The following CILP2 variants were observed in gnomAD, a reference collection of about 807,000 sequenced individuals.
CILP2 encodes the protein CILP-2.
A neutral mutation model predicts 45.6 loss-of-function variants in CILP2; 38 were observed. The ratio of observed to expected loss-of-function variants is 0.83; its 90% CI spans 0.64 to 1.09. CILP2 has a LOEUF of 1.09. CILP2 is among the 50% of genes least tolerant of loss of function. The pLI is 0.00. For missense variants in CILP2, 1,735 were observed against 1,662.2 expected, an observed-to-expected ratio of 1.04 and a Z score of -0.76; for synonymous variants, 780 against 723.5, an observed-to-expected ratio of 1.08 and a Z score of -1.25.
rs1345998547 is a variant in CILP2, at chr19:19,540,427, G to C, written c.387G>C (p.Pro129=). Residue 129 remains proline (P), a synonymous_variant, in exon 3 of 8, where the codon CCG becomes CCC. Transcript: ENST00000291495. ...TCTGGTGCCTCAACCGCGAGCAACC[G>C]CGTGGCCGCCGCTGCTCCAACTACC... ...RGFWCLNREQ[P]RGRRCSNYHV... is the part of the protein sequence containing the mutation. The C allele has an allele frequency of 2.7e-6, 4 of 1,484,560 alleles. No individual in the cohort carries two copies. The highest frequency in any genetic ancestry group is 2.9e-5 in the African/African-American group (2 of 68,750). 92.0% of individuals were successfully genotyped at this position (1,484,560 alleles called of 1,614,324 possible). A position where few individuals can be genotyped will look rare whatever the true frequency, so the allele number is the denominator to read the frequency against.
Position 19,545,085 on chromosome 19 carries a change from C to G in CILP2, c.2540C>G (p.Thr847Arg). ...PYLDRLGYRR[T>R]DHDDPAFKRN... Reference sequence around the variant, plus strand: ...CTGGACAGGCTGGGGTACCGTCGGACGGACCACGACGATCCCGCCTTCAAG... The same window carrying G: ...CTGGACAGGCTGGGGTACCGTCGGAGGGACCACGACGATCCCGCCTTCAAG... Residue 847 changes from threonine (T) to arginine (R), a missense_variant, in exon 8 of 8, where the codon ACG becomes AGG. Transcript: ENST00000291495. 1 of 1,610,334 alleles carries G rather than the reference C, an allele frequency of 6.2e-7. No individual in the cohort carries two copies. The highest frequency in any genetic ancestry group is 8.5e-7 in the Non-Finnish European group (1 of 1,178,976).
chr19:19,544,648 GT>G lies in CILP2; in HGVS notation c.2104del (p.Ser702ProfsTer38). 6.4e-7 allele frequency: 1 copy of G among 1,553,734 alleles called. No homozygotes were observed. The highest frequency in any genetic ancestry group is 1.2e-5 in the South Asian group (1 of 83,620). ...EEESGFRREG[S>X]SGPRVRREER... The stretch of plus-strand genomic sequence containing the variant: ...AGGAGAGCGGCTTCCGGCGCGAGGG[GT>G]CCTCGGGCCCCCGGGTGCGCCGGGA... On this transcript the variant is annotated frameshift_variant, in exon 8 of 8. Coordinates refer to ENST00000291495, the MANE Select transcript of CILP2 (RefSeq NM_153221.2). LOFTEE classifies it low-confidence loss of function (END_TRUNC).
intron 1 of CILP2, among the ~76,000 whole-genome samples, 164 bp downstream of exon 1, chr19:19,538,577 G>C (rs2061231332): frequency 6.6e-6 from 1 of 152,264 alleles, no homozygotes; most frequent in Admixed American, 6.5e-5. Context: ...CTGGGGCGCG[G>C]AGCGGGCCTC....
chr19:19,543,318 C>A lies in CILP2; in HGVS notation c.1048C>A (p.Arg350Ser). 6.2e-7 allele frequency: 1 copy of A among 1,613,688 alleles called. No individual in the cohort carries two copies. The highest frequency in any genetic ancestry group is 1.7e-4 in the Middle Eastern group (1 of 6,056). Residue 350 changes from arginine (R) to serine (S), a missense_variant, in exon 7 of 8, where the codon CGC becomes AGC. Transcript: ENST00000291495. ...GGCCCACCTGGAGCTGCGGGGACTG[C>A]GCCCAGACCAGGCTGGCATCTACCA... is the stretch of plus-strand genomic sequence containing the variant. Reference protein sequence around the residue: ...YGAHLELRGLRPDQAGIYHCK... With the variant: ...YGAHLELRGLSPDQAGIYHCK...
rs772563704 is a variant in CILP2, at chr19:19,544,385, GACCTC to G, written c.1846_1850del (p.Thr616GlyfsTer7). The G allele has an allele frequency of 6.8e-6, 11 of 1,610,114 alleles. No homozygotes were observed. The highest frequency in any genetic ancestry group is 8.5e-6 in the Non-Finnish European group (10 of 1,179,438). On this transcript the variant is annotated frameshift_variant, in exon 8 of 8. Transcript: ENST00000291495. LOFTEE classifies it low-confidence loss of function (END_TRUNC). ...CCGGGTGACGTTCGTGGACCCCCGA[GACCTC>G]ACCTCGGCGGCGTCTGCCCCCAGTG...
intron 1 of CILP2, among the ~76,000 whole-genome samples, chr19:19,538,682 C>A (rs1472900247): frequency 6.6e-6 from 1 of 152,224 alleles, no homozygotes; most frequent in Non-Finnish European, 1.5e-5. Context: ...GGTCTCCCAC[C>A]CTGGACCGAA....
At position 19,544,477 on chromosome 19, in the gene CILP2, C is replaced by A; in HGVS notation, c.1932C>A (p.Ser644=). The change falls in exon 8 of 8, where the codon TCC becomes TCA. Residue 644 remains serine (S), a synonymous_variant. Coordinates refer to ENST00000291495, the MANE Select transcript of CILP2 (RefSeq NM_153221.2). Reference sequence around the variant, plus strand: ...CACTGCGCACCTACGGCATGTTCTCCGTGGACCTCCGTGCGCCCGGCTCCG... The same window carrying A: ...CACTGCGCACCTACGGCATGTTCTCAGTGGACCTCCGTGCGCCCGGCTCCG... ...LAPLRTYGMF[S]VDLRAPGSAE... 6.2e-7 allele frequency: 1 copy of A among 1,607,010 alleles called. No individual in the cohort carries two copies. Among genetic ancestry groups the A allele is most frequent in the South Asian group, 1.1e-5 (1 of 91,006 alleles).
At position 19,545,284 on chromosome 19, in the gene CILP2, C is replaced by A; in HGVS notation, c.2739C>A (p.Pro913=). The A allele has an allele frequency of 1.2e-6, 2 of 1,613,012 alleles. No individual in the cohort carries two copies. The highest frequency in any genetic ancestry group is 1.7e-6 in the Non-Finnish European group (2 of 1,179,948). The change falls in exon 8 of 8, where the codon CCC becomes CCA. Residue 913 remains proline (P), a synonymous_variant. Transcript: ENST00000291495. The stretch of plus-strand genomic sequence containing the variant: ...ACAAGTACGAGTACAACGTGGTCCC[C>A]TTCCGAGAGGGCACACCTGCCTCCT... The part of the protein sequence containing the change: ...EADKYEYNVV[P]FREGTPASWT...
rs759702374 is a variant in CILP2 at position 19,544,217 on chromosome 19, G to A, written c.1672G>A (p.Ala558Thr). The A allele has an allele frequency of 2.5e-6, 4 of 1,613,808 alleles. No homozygotes were observed. The highest frequency in any genetic ancestry group is 1.3e-5 in the African/African-American group (1 of 74,932). Residue 558 changes from alanine (A) to threonine (T), a missense_variant, in exon 8 of 8, where the codon GCC (alanine) becomes ACC (threonine). Physicochemically the swap from Ala to Thr is moderately conservative, Grantham distance 58 (BLOSUM62 0). Coordinates refer to ENST00000291495, the MANE Select transcript of CILP2 (RefSeq NM_153221.2). Reference protein sequence around the residue: ...YHEVKAMRKKAPVILHTSQSN... With the variant: ...YHEVKAMRKKTPVILHTSQSN... ...CGAGGTCAAGGCCATGCGGAAGAAA[G>A]CCCCGGTCATTTTACATACCAGCCA...
At position 19,543,363 on chromosome 19, in the gene CILP2, G is replaced by A. The variant is rs2061251312; in HGVS notation, c.1093G>A (p.Ala365Thr). Residue 365 changes from alanine to threonine, a missense_variant, in exon 7 of 8, where the codon GCG (alanine) becomes ACG (threonine). Transcript: ENST00000291495. ...CTACCACTGCAAGGCATGGAATGAG[G>A]CGGGTGCCGTGCGCTCGGGCACTGC... ...GIYHCKAWNE[A>T]GAVRSGTARL... 7 of 1,613,480 alleles carry A rather than the reference G, an allele frequency of 4.3e-6. No homozygotes were observed. Among genetic ancestry groups the A allele is most frequent in the Non-Finnish European group, 5.9e-6 (7 of 1,180,000 alleles).
chr19:19,543,716 G>A lies in CILP2; in HGVS notation c.1171G>A (p.Glu391Lys). 6.2e-7 allele frequency: 1 copy of A among 1,605,220 alleles called. No individual in the cohort carries two copies. Among genetic ancestry groups the A allele is most frequent in the African/African-American group, 1.3e-5 (1 of 74,814 alleles). The change falls in exon 8 of 8, where the codon GAG (glutamate) becomes AAG (lysine). Residue 391 changes from glutamate to lysine, a missense_variant. Transcript: ENST00000291495. ...GCCAGCCTGCGACCCCCGGCCCCGAGAGTACCTGATCAAGCTCCCTGAGGA... is the reference window on the plus strand; with the variant it reads ...GCCAGCCTGCGACCCCCGGCCCCGAAAGTACCTGATCAAGCTCCCTGAGGA... ...GQPACDPRPR[E>K]YLIKLPEDCG...
At chr19:19,542,299 C>T in intron 4 of CILP2, 76 bp from the exon 5 acceptor site, 1 of 1,509,598 alleles carries the variant, frequency 6.6e-7, no homozygotes, top group Non-Finnish European at 8.9e-7. Flanking sequence ...TGTTGAGTGA[C>T]TGATTGAATG....
chr19:19,540,640 CG>C, intron 3 of CILP2, 164 bp downstream of exon 3: 1 of 779,102 alleles, frequency 1.3e-6, no homozygotes, highest in Non-Finnish European at 1.8e-6. Flanking sequence ...CGTCAGGGGG[CG>C]GGGCCAGGCA....
chr19:19,538,437 C>A, intron 1 of CILP2, 24 bp downstream of exon 1: 1 of 1,501,572 alleles, frequency 6.7e-7, no homozygotes, highest in Non-Finnish European at 8.8e-7. Flanking sequence ...AGCCCCCGCG[C>A]CCAGCCCCTG....
intron 4 of CILP2, 64 bp downstream of exon 4, chr19:19,541,310 T>A (rs1411661120): frequency 8.1e-7 from 1 of 1,230,298 alleles, no homozygotes; most frequent in Non-Finnish European, 1.0e-6. Flanking sequence ...GGTTAGGGGC[T>A]GAGCCTGGGA....
chr19:19,545,536 G>T lies in CILP2; in HGVS notation c.2991G>T (p.Gly997=). ...CCTGCGTGGAGTTCAAGTGCAGCGG[G>T]ATGCTGTTCGACCAGCGGCAGGTGG... ...SAACVEFKCS[G]MLFDQRQVDR... The change falls in exon 8 of 8, where the codon GGG becomes GGT. Residue 997 remains glycine, a synonymous_variant. Transcript: ENST00000291495. The T allele has an allele frequency of 1.2e-6, 2 of 1,612,598 alleles. No homozygotes were observed. Among genetic ancestry groups the T allele is most frequent in the South Asian group, 2.2e-5 (2 of 91,056 alleles).
intron 7 of CILP2, 128 bp downstream of exon 7, chr19:19,543,533 A>C: frequency 7.3e-7 from 1 of 1,364,582 alleles, no homozygotes; most frequent in Non-Finnish European, 1.0e-6. Context: ...CTGAGCCCCC[A>C]TACCACTCTG....
chr19:19,546,325 G>C lies in CILP2; in HGVS notation c.*309G>C. On this transcript the variant is annotated 3_prime_UTR_variant, in exon 8 of 8. Transcript: ENST00000291495. ...AGAAGCCGTCTCTGACTTCTCGTGC[G>C]TATTTTGACCCTGATTTCAATCTTC... The C allele has an allele frequency of 3.8e-6, 1 of 261,190 alleles. No homozygotes were observed. Among genetic ancestry groups the C allele is most frequent in the Non-Finnish European group, 7.2e-6 (1 of 138,190 alleles). The allele number at this position is 261,190 out of a possible 1,614,324, so 16.2% of individuals were successfully genotyped here.
At position 19,546,063 on chromosome 19, in the gene CILP2, C is replaced by T; in HGVS notation, c.*47C>T. On this transcript the variant is annotated 3_prime_UTR_variant, in exon 8 of 8. Coordinates refer to ENST00000291495, the MANE Select transcript of CILP2 (RefSeq NM_153221.2). ...CCCACCTCCCTCCAGACTCCTTTGA[C>T]CCCAGGAAGTTTTGCCCCTCCTTCT... 1 of 1,373,026 alleles carries T rather than the reference C, an allele frequency of 7.3e-7. No individual in the cohort carries two copies. The allele number at this position is 1,373,026 out of a possible 1,614,324, so 85.1% of individuals were successfully genotyped here. A position where few individuals can be genotyped will look rare whatever the true frequency, so the allele number is the denominator to read the frequency against.
Sources: gnomAD v4.1 joint callset for allele counts (sites outside exome capture counted in the v4.1 genomes callset) on GRCh38, gnomAD v4.1.1 for gene constraint, MANE v1.5 for transcripts, NCBI Gene and HGNC (gene_info 2026-07-23, HGNC 2026-07-21) for gene names.